The following SCN2B variants were observed in gnomAD, a reference collection of about 807,000 sequenced individuals.
SCN2B encodes the protein sodium channel regulatory subunit beta-2.
SCN2B carries 14 observed loss-of-function variants against 18.2 expected under a neutral mutation model. The ratio of observed to expected loss-of-function variants is 0.77; its 90% CI spans 0.51 to 1.21. The LOEUF is 1.21. Ranked by LOEUF, SCN2B falls within the 50% of genes most tolerant of loss-of-function variation. SCN2B has a pLI of 0.00. For missense variants in SCN2B, 262 were observed against 286.9 expected (o/e 0.91, Z 0.63); for synonymous variants, 115 against 115.3 (o/e 1.00, Z 0.02).
At chr11:118,170,657 A>T in intron 1 of SCN2B, among the ~76,000 whole-genome samples, 1 of 152,120 alleles carries the variant, frequency 6.6e-6, no homozygotes, top group East Asian at 1.9e-4. Context: ...AGGGGATGAG[A>T]CTAGACTTGG....
intron 1 of SCN2B, among the ~76,000 whole-genome samples, chr11:118,174,091 CTTTTTTTTTTT>C (rs1162918445): frequency 1.4e-4 from 9 of 66,664 alleles, no homozygotes; most frequent in Non-Finnish European, 2.4e-4. Context: ...TTTTTCTTTT[CTTTTTTTTTTT>C]TTTTTTTTTT....
In SCN2B at chr11:118,173,372, T is replaced by C. The variant is rs137937640; in HGVS notation, c.70+2990A>G. ...CTGCCCCTGGGCCCCTCCTACTTAT[T>C]CTTCAGGTCCCAGCTTACAGGGCAT... is the stretch of plus-strand genomic sequence containing the variant. On this transcript the variant is annotated intron_variant, in intron 1 of 3. Coordinates refer to ENST00000278947, the MANE Select transcript of SCN2B (RefSeq NM_004588.5). Among the ~76,000 whole-genome samples, 1,242 of 152,300 alleles carry C rather than the reference T, an allele frequency of 8.2e-3. 9 individuals carry two copies. The highest frequency in any genetic ancestry group is 0.026 in the African/African-American group (1,066 of 41,552).
Position 118,168,781 on chromosome 11 carries a change from G to A in SCN2B, c.71-30C>T, listed in dbSNP as rs989327285. The stretch of plus-strand genomic sequence containing the variant: ...AGATGAAGCCACAAGCTGGTGAGGA[G>A]TCTGGCTGAAAGGGCTGGGGAGGGG... On this transcript the variant is annotated intron_variant, in intron 1 of 3. Coordinates refer to ENST00000278947, the MANE Select transcript of SCN2B (RefSeq NM_004588.5). This position sits in a 1 kb window ranked among gnomAD's most constrained non-coding sequence, Gnocchi z 4.7. 1.2e-6 allele frequency: 2 copies of A among 1,613,742 alleles called. No homozygotes were observed. Among genetic ancestry groups the A allele is most frequent in the Non-Finnish European group, 1.7e-6 (2 of 1,179,944 alleles).
In SCN2B at chr11:118,168,066, C is replaced by A; in HGVS notation, c.448+19G>T. 3 of 1,608,436 alleles carry A rather than the reference C, an allele frequency of 1.9e-6. No homozygotes were observed. The highest frequency in any genetic ancestry group is 2.6e-6 in the Non-Finnish European group (3 of 1,176,440). On this transcript the variant is annotated intron_variant, in intron 3 of 3. Transcript: ENST00000278947. The surrounding 1 kb of genome is among the most constrained non-coding windows in gnomAD (Gnocchi z 4.7). ...GGTGGGAAAGGTCAGGGCCCCGCAG[C>A]TGGCACCCCAGCCTTCACCTTCCAT...
In SCN2B at chr11:118,166,829, T is replaced by C. The variant is rs960859658; in HGVS notation, c.*58A>G. 4 of 1,603,766 alleles carry C rather than the reference T, an allele frequency of 2.5e-6. No homozygotes were observed. Among genetic ancestry groups the C allele is most frequent in the African/African-American group, 1.3e-5 (1 of 74,698 alleles). ...ACCAAGAGCGAGCAGGCAGGGTCAC[T>C]GTACAGGGCGGAGAGGGGAGGAGAC... is the stretch of plus-strand genomic sequence containing the variant. On this transcript the variant is annotated 3_prime_UTR_variant, in exon 4 of 4. Coordinates refer to ENST00000278947, the MANE Select transcript of SCN2B (RefSeq NM_004588.5).
chr11:118,168,450 A>G lies in SCN2B; in HGVS notation c.237+135T>C, dbSNP rs2135518298. On this transcript the variant is annotated intron_variant, in intron 2 of 3. Transcript: ENST00000278947. This position sits in a 1 kb window ranked among gnomAD's most constrained non-coding sequence, Gnocchi z 4.7. Reference sequence around the variant, plus strand: ...GATGCGCAGCACACCTTGTTTCAAGAGCCTCCAGAGCACGCAGCCCACCCA... The same window carrying G: ...GATGCGCAGCACACCTTGTTTCAAGGGCCTCCAGAGCACGCAGCCCACCCA... 7.5e-7 allele frequency: 1 copy of G among 1,327,718 alleles called. No homozygotes were observed. Among genetic ancestry groups the G allele is most frequent in the East Asian group, 2.3e-5 (1 of 43,444 alleles). The allele number at this position is 1,327,718 out of a possible 1,614,324, so 82.2% of individuals were successfully genotyped here. A position where few individuals can be genotyped will look rare whatever the true frequency, so the allele number is the denominator to read the frequency against.
intron 1 of SCN2B, among the ~76,000 whole-genome samples, chr11:118,173,262 A>AT (rs1810493303): frequency 2.0e-5 from 3 of 151,714 alleles, no homozygotes. Context: ...CCCAGTTCTG[A>AT]TTTTTTCTGA....
At chr11:118,173,583 C>T (rs933586339) in intron 1 of SCN2B, among the ~76,000 whole-genome samples, 3 of 152,218 alleles carry the variant, frequency 2.0e-5, no homozygotes, top group African/African-American at 7.2e-5. Flanking sequence ...TGACTTACTA[C>T]CTGTATGAAG....
chr11:118,169,084 C>T (rs1304286566), intron 1 of SCN2B, among the ~76,000 whole-genome samples: 3 of 152,146 alleles, frequency 2.0e-5, no homozygotes, highest in Non-Finnish European at 4.4e-5. Context: ...GGCAGGGGCC[C>T]ACTCAGCCTC....
At chr11:118,176,219 C>A in intron 1 of SCN2B, 143 bp downstream of exon 1, 1 of 781,928 alleles carries the variant, frequency 1.3e-6, no homozygotes. Flanking sequence ...AGCAACGTCC[C>A]TTCCAGTCCC....
chr11:118,166,437 C>T lies in SCN2B; in HGVS notation c.*450G>A, dbSNP rs1487336541. ...CTGGGCTGGGAGCAGGGGAGGAGCA[C>T]AGCCGTGCCAGGCCAAGGCCCTCCT... On this transcript the variant is annotated 3_prime_UTR_variant, in exon 4 of 4. Coordinates refer to ENST00000278947, the MANE Select transcript of SCN2B (RefSeq NM_004588.5). The T allele has an allele frequency of 8.0e-6, 2 of 250,706 alleles. No individual in the cohort carries two copies. Among genetic ancestry groups the T allele is most frequent in the Middle Eastern group, 1.5e-3 (1 of 656 alleles). The allele number at this position is 250,706 out of a possible 1,614,324, so 15.5% of individuals were successfully genotyped here.
rs193069758 is a variant in SCN2B at position 118,163,810 on chromosome 11, A to C, written c.*3077T>G. 1 of 152,426 alleles carries C rather than the reference A, an allele frequency of 6.6e-6. No homozygotes were observed. The highest frequency in any genetic ancestry group is 2.4e-5 in the African/African-American group (1 of 41,584). 9.4% of individuals were successfully genotyped at this position (152,426 alleles called of 1,614,324 possible). The stretch of plus-strand genomic sequence containing the variant: ...GTAGGAAGAGGAAGAACTTGTCAGC[A>C]TAAGTTAGGAAACAGGGTAGGGAAA... On this transcript the variant is annotated 3_prime_UTR_variant, in exon 4 of 4. Transcript: ENST00000278947.
rs1162918445 is a variant in SCN2B at position 118,174,091 on chromosome 11, C to CTTTTTTTTTTTTTT, written c.70+2257_70+2270dup. ...ACCATGCCTGGCTTATTTTTCTTTT[C>CTTTTTTTTTTTTTT]TTTTTTTTTTTTTTTTTTTTTTTTT... On this transcript the variant is annotated intron_variant, in intron 1 of 3. Transcript: ENST00000278947. Among the ~76,000 whole-genome samples the CTTTTTTTTTTTTTT allele has an allele frequency of 2.2e-3, 144 of 66,688 alleles. 6 individuals carry two copies. The highest frequency in any genetic ancestry group is 4.0e-3 in the East Asian group (8 of 2,022). The allele number at this position is 66,688 out of a possible 152,430, so 43.7% of individuals were successfully genotyped here.
chr11:118,163,513 T>G lies in SCN2B; in HGVS notation c.*3374A>C, dbSNP rs611960. On this transcript the variant is annotated 3_prime_UTR_variant, in exon 4 of 4. Coordinates refer to ENST00000278947, the MANE Select transcript of SCN2B (RefSeq NM_004588.5). Reference sequence around the variant, plus strand: ...GAAGAGTCCATAGCTAGGGGGCAGATAGCTATTTCCAAAGCCAGTTCCAAG... The same window carrying G: ...GAAGAGTCCATAGCTAGGGGGCAGAGAGCTATTTCCAAAGCCAGTTCCAAG... The G allele has an allele frequency of 0.19, 28,344 of 152,466 alleles. 4,106 individuals carry two copies. The highest frequency in any genetic ancestry group is 0.41 in the African/African-American group (16,909 of 41,338). 9.4% of individuals were successfully genotyped at this position (152,466 alleles called of 1,614,324 possible).
Position 118,169,061 on chromosome 11 carries a change from C to T in SCN2B, c.71-310G>A, listed in dbSNP as rs79978284. Among the ~76,000 whole-genome samples the T allele has an allele frequency of 0.011, 1,686 of 152,234 alleles. 38 individuals carry two copies. The highest frequency in any genetic ancestry group is 0.039 in the African/African-American group (1,616 of 41,534). On this transcript the variant is annotated intron_variant, in intron 1 of 3. Coordinates refer to ENST00000278947, the MANE Select transcript of SCN2B (RefSeq NM_004588.5). ...CAGGTGCAAGCCGCATGGAATTGGACTTCGTTCTTCCTGGCAGGGGCCCAC... is the reference window on the plus strand; with the variant it reads ...CAGGTGCAAGCCGCATGGAATTGGATTTCGTTCTTCCTGGCAGGGGCCCAC...
chr11:118,169,916 T>A (rs1402448576), intron 1 of SCN2B, among the ~76,000 whole-genome samples: 1 of 152,164 alleles, frequency 6.6e-6, no homozygotes, highest in East Asian at 1.9e-4. Flanking sequence ...AAATACCTCC[T>A]TAAATGTCAC....
chr11:118,176,322 C>A (rs764063083), intron 1 of SCN2B, 40 bp downstream of exon 1: 4 of 1,570,078 alleles, frequency 2.5e-6, no homozygotes, highest in Non-Finnish European at 3.5e-6. Context: ...TGCGGCTACA[C>A]TTCTGAACCC....
At chr11:118,171,069 G>A (rs1948427615) in intron 1 of SCN2B, among the ~76,000 whole-genome samples, 1 of 152,172 alleles carries the variant, frequency 6.6e-6, no homozygotes, top group Non-Finnish European at 1.5e-5. Context: ...TGGCCCGAGT[G>A]ACCAGGGCAA....
chr11:118,174,091 C>CTTTTTTTTTTTTTTT lies in SCN2B; in HGVS notation c.70+2256_70+2270dup, dbSNP rs1162918445. ...ACCATGCCTGGCTTATTTTTCTTTT[C>CTTTTTTTTTTTTTTT]TTTTTTTTTTTTTTTTTTTTTTTTT... On this transcript the variant is annotated intron_variant, in intron 1 of 3. Transcript: ENST00000278947. Among the ~76,000 whole-genome samples, 25 of 66,668 alleles carry CTTTTTTTTTTTTTTT rather than the reference C, an allele frequency of 3.7e-4. 2 individuals carry two copies. Among genetic ancestry groups the CTTTTTTTTTTTTTTT allele is most frequent in the East Asian group, 2.0e-3 (4 of 2,020 alleles). 43.7% of individuals were successfully genotyped at this position (66,668 alleles called of 152,430 possible).
Sources: allele counts gnomAD v4.1 joint callset (sites outside exome capture counted in the v4.1 genomes callset), GRCh38; gene constraint gnomAD v4.1.1; non-coding constraint Gnocchi (gnomAD v3.1); transcripts MANE v1.5; gene names NCBI Gene and HGNC (gene_info 2026-07-23, HGNC 2026-07-21).